The following CNTN5 variants were observed in gnomAD, a reference collection of about 807,000 sequenced individuals.
CNTN5 encodes the protein contactin-5.
In CNTN5, 77 loss-of-function variants were observed where a neutral mutation model predicts 129.1. The ratio of observed to expected loss-of-function variants is 0.60; its 90% CI spans 0.50 to 0.72. CNTN5 has a LOEUF of 0.72. Ranked by LOEUF, CNTN5 falls within the 30% of genes least tolerant of loss-of-function variation. The pLI is 0.00. For missense variants in CNTN5, 1,478 were observed against 1,328.8 expected (o/e 1.11, Z -1.75); for synonymous variants, 509 against 465.6 (o/e 1.09, Z -1.20).
chr11:99,818,529 T>A (rs901648076), intron 3 of CNTN5, among the ~76,000 whole-genome samples: 6 of 152,162 alleles, frequency 3.9e-5, no homozygotes, highest in Non-Finnish European at 8.8e-5. Flanking sequence ...GTGCTGGGAT[T>A]AAAGGCATGA....
chr11:99,403,368 C>G (rs1371668722), intron 2 of CNTN5, among the ~76,000 whole-genome samples: 9 of 151,996 alleles, frequency 5.9e-5, no homozygotes, highest in African/African-American at 2.2e-4. Flanking sequence ...TATTTCTGTT[C>G]TCATTTTATC....
chr11:99,043,130 G>A (rs1169233984), intron 1 of CNTN5, among the ~76,000 whole-genome samples: 3 of 152,066 alleles, frequency 2.0e-5, no homozygotes, highest in Admixed American at 1.3e-4. Context: ...AACAACATTC[G>A]CAAAGCTCAT....
chr11:100,255,283 G>C (rs1218162648), intron 16 of CNTN5, among the ~76,000 whole-genome samples: 1 of 152,106 alleles, frequency 6.6e-6, no homozygotes, highest in Non-Finnish European at 1.5e-5. Flanking sequence ...ATGTGTACTT[G>C]ATAGTACACA....
At chr11:99,866,372 ATTAC>A (rs1948357305) in intron 6 of CNTN5, among the ~76,000 whole-genome samples, 1 of 152,152 alleles carries the variant, frequency 6.6e-6, no homozygotes, top group South Asian at 2.1e-4. Flanking sequence ...TCTTTTATTA[ATTAC>A]TTACCTTGTG....
At chr11:99,492,026 T>G (rs745640010) in intron 2 of CNTN5, among the ~76,000 whole-genome samples, 7 of 152,104 alleles carry the variant, frequency 4.6e-5, no homozygotes, top group Non-Finnish European at 1.0e-4. Context: ...TGAAGGCTCA[T>G]TTTTAGTATC....
chr11:99,910,917 G>A (rs1378413474), intron 6 of CNTN5, among the ~76,000 whole-genome samples: 2 of 152,080 alleles, frequency 1.3e-5, no homozygotes, highest in South Asian at 2.1e-4. Flanking sequence ...AATGAATACA[G>A]CCAATGGAAG....
chr11:99,393,464 G>A (rs1941366077), intron 2 of CNTN5, among the ~76,000 whole-genome samples: 2 of 151,904 alleles, frequency 1.3e-5, no homozygotes, highest in African/African-American at 4.8e-5. Context: ...ATGGTAGGTA[G>A]TGTTGTCACC....
At chr11:100,210,975 A>T (rs533254208) in intron 15 of CNTN5, among the ~76,000 whole-genome samples, 16 of 152,290 alleles carry the variant, frequency 1.1e-4, no homozygotes, top group Non-Finnish European at 1.6e-4. Context: ...GACACATTGT[A>T]CAATGTGCTA....
chr11:100,085,387 C>T (rs910316344), intron 13 of CNTN5, among the ~76,000 whole-genome samples: 12 of 152,036 alleles, frequency 7.9e-5, no homozygotes, highest in African/African-American at 2.9e-4. Flanking sequence ...ATTCCCAAAA[C>T]TCCTTCACCC....
intron 2 of CNTN5, among the ~76,000 whole-genome samples, chr11:99,491,217 T>A (rs1591154529): frequency 6.6e-6 from 1 of 152,086 alleles, no homozygotes; most frequent in Non-Finnish European, 1.5e-5. Flanking sequence ...GGAATTCCCA[T>A]ATAGTGGTTC....
intron 3 of CNTN5, among the ~76,000 whole-genome samples, chr11:99,616,074 C>T (rs1950751050): frequency 6.6e-6 from 1 of 152,068 alleles, no homozygotes; most frequent in East Asian, 1.9e-4. Flanking sequence ...GTATACACTT[C>T]TCCATGTAAG....
At chr11:99,082,519 C>T (rs930111071) in intron 1 of CNTN5, among the ~76,000 whole-genome samples, 3 of 152,126 alleles carry the variant, frequency 2.0e-5, no homozygotes, top group East Asian at 1.9e-4. Flanking sequence ...CTGGGAGAAC[C>T]ACTGCCTTGG....
intron 2 of CNTN5, among the ~76,000 whole-genome samples, chr11:99,404,732 G>C (rs1941995661): frequency 6.6e-6 from 1 of 151,994 alleles, no homozygotes; most frequent in Non-Finnish European, 1.5e-5. Flanking sequence ...CGTTGTCATA[G>C]TTTTTATTTT....
At chr11:100,090,525 C>A (rs182462567) in intron 13 of CNTN5, among the ~76,000 whole-genome samples, 9 of 68,504 alleles carry the variant, frequency 1.3e-4, no homozygotes, top group Non-Finnish European at 2.0e-4. Context: ...CTCCCTCCCT[C>A]CCTTCCTTCC....
At chr11:100,354,108 C>T (rs1952475574) in intron 24 of CNTN5, among the ~76,000 whole-genome samples, 1 of 151,544 alleles carries the variant, frequency 6.6e-6, no homozygotes. Flanking sequence ...CCTTTCTAAG[C>T]CCCAGTTCCA....
At position 99,247,258 on chromosome 11, in the gene CNTN5, G is replaced by T. The variant is rs116544766; in HGVS notation, c.-209-78088G>T. Among the ~76,000 whole-genome samples the T allele has an allele frequency of 3.8e-3, 581 of 152,100 alleles. 5 individuals carry two copies. Among genetic ancestry groups the T allele is most frequent in the African/African-American group, 0.011 (477 of 41,498 alleles). On this transcript the variant is annotated intron_variant, in intron 1 of 24. Transcript: ENST00000524871. ...CATTTTTATTCTCTCTCCATTTAAA[G>T]ATATAATTTGTTTTAATTTTCTGAA... is the stretch of plus-strand genomic sequence containing the variant.
intron 1 of CNTN5, among the ~76,000 whole-genome samples, chr11:99,131,602 T>C (rs533340915): frequency 6.6e-6 from 1 of 152,008 alleles, no homozygotes; most frequent in Non-Finnish European, 1.5e-5. Context: ...CAATCAGCCA[T>C]CAGAGAATAC....
At chr11:99,267,158 A>T (rs1862940974) in intron 1 of CNTN5, among the ~76,000 whole-genome samples, 1 of 152,060 alleles carries the variant, frequency 6.6e-6, no homozygotes, top group Admixed American at 6.6e-5. Context: ...CAAGGATAGA[A>T]ATAATACTCT....
intron 8 of CNTN5, among the ~76,000 whole-genome samples, chr11:99,965,939 A>T (rs1951082461): frequency 1.3e-5 from 2 of 152,170 alleles, no homozygotes; most frequent in African/African-American, 4.8e-5. Context: ...CATATTAAAC[A>T]CTTGTTCTGA....
Sources: gnomAD v4.1 joint callset for allele counts (sites outside exome capture counted in the v4.1 genomes callset) on GRCh38, gnomAD v4.1.1 for gene constraint, MANE v1.5 for transcripts, NCBI Gene and HGNC (gene_info 2026-07-23, HGNC 2026-07-21) for gene names.